NRXN3: variants seen among roughly 807,000 people sequenced by gnomAD.
The protein encoded by NRXN3 is neurexin III.
In NRXN3, 32 loss-of-function variants were observed where a neutral mutation model predicts 137.6. The observed-to-expected ratio is 0.23, with a 90% CI of 0.18 to 0.31. The LOEUF is 0.31. Ranked by LOEUF, NRXN3 falls within the 10% of genes least tolerant of loss-of-function variation. The pLI is 1.00. For missense variants in NRXN3, 1,574 were observed against 2,062.5 expected (o/e 0.76, Z 4.59); for synonymous variants, 798 against 784.5 (o/e 1.02, Z -0.29).
intron 15 of NRXN3, among the ~76,000 whole-genome samples, chr14:79,130,207 T>G (rs1404923695): frequency 6.6e-6 from 1 of 152,010 alleles, no homozygotes; most frequent in Non-Finnish European, 1.5e-5. Context: ...ATGTGTGAAT[T>G]TGATCCTGTC....
At chr14:79,273,310 A>G (rs965735539) in intron 15 of NRXN3, among the ~76,000 whole-genome samples, 1 of 151,606 alleles carries the variant, frequency 6.6e-6, no homozygotes, top group Non-Finnish European at 1.5e-5. Flanking sequence ...TCTCATCTGG[A>G]GAAAAAAATA....
chr14:78,709,110 T>C, intron 6 of NRXN3, 107 bp from the exon 7 acceptor site: 4 of 973,676 alleles, frequency 4.1e-6, no homozygotes, highest in Non-Finnish European at 6.1e-6. Flanking sequence ...TTTTGGGCTA[T>C]GTCCTGAAGC....
chr14:78,959,806 C>T (rs1243658056), intron 11 of NRXN3, among the ~76,000 whole-genome samples: 1 of 152,076 alleles, frequency 6.6e-6, no homozygotes, highest in Non-Finnish European at 1.5e-5. Context: ...GGATAAGTCA[C>T]ACATCTGTTG....
At chr14:79,379,057 A>G (rs1052860182) in intron 15 of NRXN3, among the ~76,000 whole-genome samples, 6 of 151,996 alleles carry the variant, frequency 3.9e-5, no homozygotes, top group African/African-American at 9.7e-5. Context: ...CGCTTTCTCA[A>G]TTTTCAGCCA....
intron 8 of NRXN3, among the ~76,000 whole-genome samples, chr14:78,778,762 TTCTTTCTTTC>T (rs2098756035): frequency 6.5e-5 from 1 of 15,362 alleles, no homozygotes; most frequent in Non-Finnish European, 1.4e-4. Flanking sequence ...TTCTTTCTCT[TTCTTTCTTTC>T]TTTCTTTCTT....
chr14:78,824,282 C>T (rs1206615885), intron 10 of NRXN3, among the ~76,000 whole-genome samples: 1 of 151,844 alleles, frequency 6.6e-6, no homozygotes. Context: ...TACTCCTTGG[C>T]CAATAGGGGA....
At chr14:78,356,859 G>A (rs1010187775) in intron 4 of NRXN3, among the ~76,000 whole-genome samples, 26 of 152,092 alleles carry the variant, frequency 1.7e-4, no homozygotes, top group African/African-American at 6.3e-4. Context: ...CCATAGGGCA[G>A]GTGTCTTTCT....
intron 4 of NRXN3, among the ~76,000 whole-genome samples, chr14:78,367,672 A>G (rs998477803): frequency 4.6e-5 from 7 of 152,138 alleles, no homozygotes; most frequent in African/African-American, 2.4e-5. Flanking sequence ...TGGGAGAGAG[A>G]TTTTAAGAAA....
chr14:79,073,234 C>T (rs1010737352), intron 15 of NRXN3, among the ~76,000 whole-genome samples: 1 of 152,084 alleles, frequency 6.6e-6, no homozygotes, highest in Non-Finnish European at 1.5e-5. Context: ...CTGCAACCAA[C>T]GGATATCCCC....
intron 15 of NRXN3, among the ~76,000 whole-genome samples, chr14:79,405,999 T>G (rs568681960): frequency 1.2e-4 from 18 of 152,162 alleles, no homozygotes; most frequent in Non-Finnish European, 2.2e-4. Context: ...GCTGGGAACA[T>G]GTCCATGAAC....
chr14:78,307,348 C>T (rs1042897218), intron 4 of NRXN3, among the ~76,000 whole-genome samples: 5 of 151,768 alleles, frequency 3.3e-5, no homozygotes, highest in South Asian at 2.1e-4. Flanking sequence ...AAAAAATTAC[C>T]GTTTATTTTT....
intron 16 of NRXN3, among the ~76,000 whole-genome samples, chr14:79,630,400 A>G (rs2098332528): frequency 1.3e-5 from 2 of 152,190 alleles, no homozygotes; most frequent in Admixed American, 6.5e-5. Flanking sequence ...TTGAGAAAAC[A>G]TTCCTTCAAG....
At chr14:79,759,726 A>G (rs1172321966) in intron 19 of NRXN3, among the ~76,000 whole-genome samples, 1 of 151,750 alleles carries the variant, frequency 6.6e-6, no homozygotes, top group African/African-American at 2.4e-5. Context: ...TAAAGTTATC[A>G]TAAGAATAAT....
chr14:79,293,175 C>G (rs1254216896), intron 15 of NRXN3, among the ~76,000 whole-genome samples: 1 of 152,138 alleles, frequency 6.6e-6, no homozygotes, highest in Non-Finnish European at 1.5e-5. Context: ...ATTAAGAACT[C>G]TCTTTCAGAA....
chr14:78,478,422 T>G (rs1430449070), intron 4 of NRXN3, among the ~76,000 whole-genome samples: 2 of 152,166 alleles, frequency 1.3e-5, no homozygotes, highest in Non-Finnish European at 2.9e-5. Context: ...CATTTTCTCT[T>G]TAATGATAGC....
intron 15 of NRXN3, among the ~76,000 whole-genome samples, chr14:79,358,666 A>AAAGAAAGAAAGAAAGAAAGT (rs1199503184): frequency 6.8e-6 from 1 of 147,350 alleles, no homozygotes; most frequent in Non-Finnish European, 1.5e-5. Flanking sequence ...AGAAAGAAAG[A>AAAGAAAGAAAGAAAGAAAGT]AAGTGTCCTA....
At chr14:78,430,227 C>T (rs1055691682) in intron 4 of NRXN3, among the ~76,000 whole-genome samples, 1 of 152,196 alleles carries the variant, frequency 6.6e-6, no homozygotes, top group Non-Finnish European at 1.5e-5. Context: ...GACAGAGCAA[C>T]ACCCTGTCTC....
chr14:78,799,908 T>G (rs1427219371), intron 8 of NRXN3, among the ~76,000 whole-genome samples: 2 of 151,956 alleles, frequency 1.3e-5, no homozygotes, highest in African/African-American at 4.8e-5. Flanking sequence ...ACAGGGTCCC[T>G]CCCCCAATAT....
Position 79,631,989 on chromosome 14 carries a change from A to C in NRXN3, c.3445-31789A>C, listed in dbSNP as rs1475679312. Among the ~76,000 whole-genome samples the C allele has an allele frequency of 2.0e-5, 3 of 152,184 alleles. 1 individual carries two copies. The highest frequency in any genetic ancestry group is 2.0e-4 in the Admixed American group (3 of 15,286). ...CAATCAGCAGGAGGTCGGTAGGGCC[A>C]GATAAGGAAATAAAAGCAGGCCACC... On this transcript the variant is annotated intron_variant, in intron 16 of 20. Coordinates refer to ENST00000335750, the MANE Select transcript of NRXN3 (RefSeq NM_001330195.2).
Sources: allele counts gnomAD v4.1 joint callset (sites outside exome capture counted in the v4.1 genomes callset), GRCh38; gene constraint gnomAD v4.1.1; transcripts MANE v1.5; gene names NCBI Gene and HGNC (gene_info 2026-07-23, HGNC 2026-07-21).